The following CNIH3 variants were observed in gnomAD, a reference collection of about 807,000 sequenced individuals.
The protein encoded by CNIH3 is protein cornichon homolog 3.
CNIH3 carries 14 observed loss-of-function variants against 24.1 expected under a neutral mutation model. The observed-to-expected ratio is 0.58, with a 90% CI of 0.38 to 0.91. The LOEUF is 0.91. CNIH3 is among the 40% of genes least tolerant of loss of function. The probability of loss-of-function intolerance (pLI) is 0.00; values close to 1 mark genes in which losing one functional copy is unlikely to be tolerated. For synonymous variants in CNIH3, 68 were observed against 73.8 expected, an observed-to-expected ratio of 0.92 and a Z score of 0.40; for missense variants, 178 against 196.8, an observed-to-expected ratio of 0.90 and a Z score of 0.57.
intron 3 of CNIH3, among the ~76,000 whole-genome samples, chr1:224,706,017 G>A (rs1687788175): frequency 6.6e-6 from 1 of 151,934 alleles, no homozygotes; most frequent in Admixed American, 6.6e-5. Context: ...CACTTACTAG[G>A]CAGCACTGCA....
At chr1:224,461,492 G>C (rs953842452) in intron 1 of CNIH3, among the ~76,000 whole-genome samples, 2 of 152,048 alleles carry the variant, frequency 1.3e-5, no homozygotes, top group Non-Finnish European at 2.9e-5. Context: ...GCTTACCTCT[G>C]ATTTAAGATC....
At chr1:224,560,749 G>A (rs1183146611) in intron 3 of CNIH3, among the ~76,000 whole-genome samples, 6 of 151,960 alleles carry the variant, frequency 3.9e-5, no homozygotes, top group African/African-American at 1.5e-4. Context: ...ATTATGGTGA[G>A]TTGAATAATT....
chr1:224,608,688 C>A (rs1348807184), intron 3 of CNIH3, among the ~76,000 whole-genome samples: 1 of 152,184 alleles, frequency 6.6e-6, no homozygotes, highest in East Asian at 1.9e-4. Flanking sequence ...TTAGTTTTTA[C>A]TTCTTCTTTC....
intron 2 of CNIH3, chr1:224,521,434 C>A (rs1468791762): frequency 2.6e-5 from 4 of 152,074 alleles, no homozygotes; most frequent in Non-Finnish European, 5.9e-5. Flanking sequence ...TTTCACCTGC[C>A]CAGTCTCCAT....
intron 1 of CNIH3, among the ~76,000 whole-genome samples, chr1:224,648,103 G>T (rs764579663): frequency 5.9e-5 from 9 of 152,128 alleles, no homozygotes; most frequent in Non-Finnish European, 8.8e-5. Context: ...AAGCAGGCTA[G>T]AAATGGTAGT....
At chr1:224,717,886 A>G (rs774267530) in intron 3 of CNIH3, 16 of 152,212 alleles carry the variant, frequency 1.1e-4, no homozygotes, top group Non-Finnish European at 2.1e-4. Flanking sequence ...GTGTCGAGTC[A>G]ACACCATTTC....
chr1:224,684,699 C>A lies in CNIH3; in HGVS notation c.151-97C>A. On this transcript the variant is annotated intron_variant, in intron 2 of 5. Coordinates refer to ENST00000272133, the MANE Select transcript of CNIH3 (RefSeq NM_152495.2). The surrounding 1 kb of genome is among the most constrained non-coding windows in gnomAD (Gnocchi z 4.2). Reference sequence around the variant, plus strand: ...GCCCAGGAGGGGTCTCTGGTGGCTTCTGCCTCCACTATTGGGGCTGATTGC... The same window carrying A: ...GCCCAGGAGGGGTCTCTGGTGGCTTATGCCTCCACTATTGGGGCTGATTGC... 9.1e-7 allele frequency: 1 copy of A among 1,101,180 alleles called. No homozygotes were observed. The highest frequency in any genetic ancestry group is 1.4e-6 in the Non-Finnish European group (1 of 715,450). The allele number at this position is 1,101,180 out of a possible 1,614,324, so 68.2% of individuals were successfully genotyped here. A position where few individuals can be genotyped will look rare whatever the true frequency, so the allele number is the denominator to read the frequency against.
At chr1:224,707,829 A>G (rs1196744876) in intron 3 of CNIH3, among the ~76,000 whole-genome samples, 2 of 152,142 alleles carry the variant, frequency 1.3e-5, no homozygotes, top group Admixed American at 1.3e-4. Context: ...TGGCCTTTTT[A>G]GATGGCACCA....
intron 3 of CNIH3, among the ~76,000 whole-genome samples, chr1:224,697,156 A>T (rs1160008500): frequency 6.6e-6 from 1 of 152,246 alleles, no homozygotes; most frequent in Non-Finnish European, 1.5e-5. Context: ...GAGAAAGGCC[A>T]TGACAGGTGT....
intron 1 of CNIH3, among the ~76,000 whole-genome samples, chr1:224,503,254 A>C (rs1677755952): frequency 6.6e-6 from 1 of 152,220 alleles, no homozygotes; most frequent in African/African-American, 2.4e-5. Flanking sequence ...GGAGAGCCTG[A>C]GGCACGGGTG....
At chr1:224,496,848 T>A (rs749588866) in intron 1 of CNIH3, among the ~76,000 whole-genome samples, 3 of 152,258 alleles carry the variant, frequency 2.0e-5, no homozygotes, top group Non-Finnish European at 4.4e-5. Context: ...GACTTACCTA[T>A]GTTTTCAGAT....
intron 1 of CNIH3, chr1:224,454,146 TAAGC>T (rs1675545975): frequency 3.9e-6 from 1 of 254,998 alleles, no homozygotes; most frequent in Non-Finnish European, 6.1e-6. Context: ...AAATTACAAA[TAAGC>T]AACACCCAAA....
intron 4 of CNIH3, among the ~76,000 whole-genome samples, chr1:224,732,202 A>C (rs560289282): frequency 5.3e-5 from 8 of 152,156 alleles, no homozygotes; most frequent in Non-Finnish European, 7.3e-5. Context: ...GAATGGTGAG[A>C]GAACAAGAGA....
intron 3 of CNIH3, among the ~76,000 whole-genome samples, chr1:224,692,277 T>G (rs949083791): frequency 2.0e-5 from 3 of 152,156 alleles, no homozygotes; most frequent in African/African-American, 7.2e-5. Flanking sequence ...CTGCACTGCA[T>G]CCTGGGACAG....
intron 1 of CNIH3, among the ~76,000 whole-genome samples, chr1:224,674,822 G>C (rs1442534406): frequency 6.6e-6 from 1 of 152,018 alleles, no homozygotes; most frequent in Admixed American, 6.6e-5. Context: ...ATCCAGGCTA[G>C]TACTCCACTA....
chr1:224,621,127 A>T (rs978560942), intron 1 of CNIH3, among the ~76,000 whole-genome samples: 2 of 152,270 alleles, frequency 1.3e-5, no homozygotes, highest in African/African-American at 4.8e-5. Context: ...AAATAAAATT[A>T]ATTCCCAATA....
intron 3 of CNIH3, among the ~76,000 whole-genome samples, chr1:224,559,244 T>C (rs1176183199): frequency 1.3e-5 from 2 of 152,270 alleles, no homozygotes. Flanking sequence ...AGGATGTTTC[T>C]ATTAATAATA....
At chr1:224,730,957 C>T (rs2125242109) in intron 4 of CNIH3, among the ~76,000 whole-genome samples, 1 of 152,272 alleles carries the variant, frequency 6.6e-6, no homozygotes, top group African/African-American at 2.4e-5. Flanking sequence ...ATACATGCTA[C>T]AACATGAAGC....
At chr1:224,723,233 T>G (rs4653596) in intron 3 of CNIH3, among the ~76,000 whole-genome samples, 41,177 of 152,050 alleles carry the variant, frequency 0.27, 5,735 homozygotes, top group Admixed American at 0.35. Context: ...TGGTTGCTGA[T>G]GTGTCAGGCA....
Sources: gnomAD v4.1 joint callset for allele counts (sites outside exome capture counted in the v4.1 genomes callset) on GRCh38, gnomAD v4.1.1 for gene constraint, Gnocchi (gnomAD v3.1) non-coding constraint, MANE v1.5 for transcripts, NCBI Gene and HGNC (gene_info 2026-07-23, HGNC 2026-07-21) for gene names.